Variants in PDE1C observed in about 807,000 individuals in gnomAD.
PDE1C encodes the protein dual specificity calcium/calmodulin-dependent 3',5'-cyclic nucleotide phosphodiesterase 1C.
PDE1C carries 62 observed loss-of-function variants against 93.1 expected under a neutral mutation model. That is an observed-to-expected ratio of 0.67 (90% CI 0.54 to 0.82). The LOEUF is 0.82. Among genes scored for constraint, PDE1C ranks in the 40% least tolerant of loss-of-function variants. PDE1C has a pLI of 0.00. For synonymous variants in PDE1C, 325 were observed against 310.1 expected, an observed-to-expected ratio of 1.05 and a Z score of -0.50; for missense variants, 742 against 884.6, an observed-to-expected ratio of 0.84 and a Z score of 2.04.
intron 1 of PDE1C, among the ~76,000 whole-genome samples, chr7:32,309,948 A>G (rs1241163655): frequency 6.6e-6 from 1 of 152,266 alleles, no homozygotes; most frequent in Non-Finnish European, 1.5e-5. Flanking sequence ...TAAAAGATAC[A>G]GACTGGCAAA....
At chr7:32,185,743 T>C (rs1803807884) in intron 2 of PDE1C, among the ~76,000 whole-genome samples, 1 of 152,202 alleles carries the variant, frequency 6.6e-6, no homozygotes, top group South Asian at 2.1e-4. Context: ...ATGATGGCCA[T>C]TAGTCACATG....
chr7:32,385,243 G>A (rs1784600458), intron 1 of PDE1C, among the ~76,000 whole-genome samples: 1 of 152,178 alleles, frequency 6.6e-6, no homozygotes, highest in Non-Finnish European at 1.5e-5. Flanking sequence ...GAAATTCTAA[G>A]TGGAGACACT....
chr7:31,805,070 G>A (rs1786643940), intron 16 of PDE1C, among the ~76,000 whole-genome samples: 1 of 151,520 alleles, frequency 6.6e-6, no homozygotes, highest in South Asian at 2.1e-4. Flanking sequence ...TTTTATAATG[G>A]GCAGTTCCCC....
intron 1 of PDE1C, among the ~76,000 whole-genome samples, chr7:32,306,513 C>T (rs1220118793): frequency 6.6e-6 from 1 of 152,230 alleles, no homozygotes; most frequent in African/African-American, 2.4e-5. Context: ...CAGGCTCCCA[C>T]TGTCTCTCAC....
At chr7:31,939,301 G>A (rs923950908) in intron 2 of PDE1C, among the ~76,000 whole-genome samples, 1 of 152,148 alleles carries the variant, frequency 6.6e-6, no homozygotes, top group African/African-American at 2.4e-5. Context: ...ATTCAGTTCA[G>A]TGTAACTGAC....
intron 2 of PDE1C, among the ~76,000 whole-genome samples, chr7:31,993,533 A>C (rs1784388480): frequency 6.6e-6 from 1 of 152,206 alleles, no homozygotes; most frequent in Non-Finnish European, 1.5e-5. Flanking sequence ...AATAGCCTCT[A>C]TAAGTCTAAT....
At chr7:31,662,558 AGTGTATGTGTCTGTGTTGTATAAGTGTCT>A in the PDE1C span, among the ~76,000 whole-genome samples, 6 of 151,046 alleles carry the variant, frequency 4.0e-5, no homozygotes, top group African/African-American at 1.5e-4. Flanking sequence ...GTGTTGTATA[AGTGTATGTGTCTGTGTTGTATAAGTGTCT>A]GTGTCTGTGT....
chr7:31,759,784 C>T (rs1189820309), intron 17 of PDE1C, among the ~76,000 whole-genome samples: 1 of 152,112 alleles, frequency 6.6e-6, no homozygotes, highest in Non-Finnish European at 1.5e-5. Flanking sequence ...AATTATTTTT[C>T]ATAAATATAA....
At position 31,873,290 on chromosome 7, in the gene PDE1C, A is replaced by T; in HGVS notation, c.609+2T>A. ...ATTTTTTCTTTTTAAAGAGGTACTGACCTTGAAACGGCTGATCAGATCATA... is the reference window on the plus strand; with the variant it reads ...ATTTTTTCTTTTTAAAGAGGTACTGTCCTTGAAACGGCTGATCAGATCATA... On this transcript the variant is annotated splice_donor_variant, in intron 6 of 17. Transcript: ENST00000396191. LOFTEE classifies it high-confidence loss of function. The T allele has an allele frequency of 6.4e-7, 1 of 1,568,934 alleles. No individual in the cohort carries two copies. The highest frequency in any genetic ancestry group is 8.8e-7 in the Non-Finnish European group (1 of 1,140,980).
chr7:32,059,593 C>T (rs1377166618), intron 1 of PDE1C, among the ~76,000 whole-genome samples: 1 of 152,172 alleles, frequency 6.6e-6, no homozygotes, highest in East Asian at 1.9e-4. Flanking sequence ...TCTCATGAGC[C>T]TGGATTAAAA....
chr7:31,768,250 A>C (rs1795263055), intron 17 of PDE1C, among the ~76,000 whole-genome samples: 2 of 152,102 alleles, frequency 1.3e-5, no homozygotes, highest in African/African-American at 2.4e-5. Flanking sequence ...TTGTCATTTA[A>C]TGTGTGCTGA....
chr7:31,838,907 T>G (rs1791455502), intron 9 of PDE1C, among the ~76,000 whole-genome samples: 1 of 151,678 alleles, frequency 6.6e-6, no homozygotes, highest in East Asian at 1.9e-4. Flanking sequence ...TGATCTGGCT[T>G]ATGTCTATCT....
At chr7:32,120,202 C>T (rs1799218761) in intron 3 of PDE1C, among the ~76,000 whole-genome samples, 1 of 152,198 alleles carries the variant, frequency 6.6e-6, no homozygotes, top group Admixed American at 6.5e-5. Flanking sequence ...GGAACTCCAG[C>T]AACTCCAGCC....
intron 2 of PDE1C, among the ~76,000 whole-genome samples, chr7:31,915,143 C>G (rs1704784715): frequency 6.6e-6 from 1 of 152,180 alleles, no homozygotes; most frequent in African/African-American, 2.4e-5. Context: ...CTTTAAGTAT[C>G]TAATCGCAAG....
intron 2 of PDE1C, among the ~76,000 whole-genome samples, chr7:31,926,615 A>G (rs1470162770): frequency 6.6e-6 from 1 of 152,138 alleles, no homozygotes; most frequent in African/African-American, 2.4e-5. Flanking sequence ...GACTGGTTAG[A>G]CAGCGGGTGC....
the PDE1C span, among the ~76,000 whole-genome samples, chr7:31,732,591 A>C: frequency 6.6e-6 from 1 of 150,934 alleles, no homozygotes; most frequent in Admixed American, 6.6e-5. Context: ...ACAATCACAT[A>C]GGCCAATTCC....
intron 1 of PDE1C, among the ~76,000 whole-genome samples, chr7:32,223,808 T>G (rs1375291140): frequency 6.6e-6 from 1 of 152,196 alleles, no homozygotes; most frequent in Non-Finnish European, 1.5e-5. Flanking sequence ...CTGCGGGTGC[T>G]TGAGTCTCCA....
the PDE1C span, among the ~76,000 whole-genome samples, chr7:31,712,582 G>A: frequency 6.6e-6 from 1 of 152,162 alleles, no homozygotes; most frequent in African/African-American, 2.4e-5. Flanking sequence ...GAGACAGCAG[G>A]GGTCAGCTGC....
At chr7:32,213,998 A>C (rs368889335) in intron 1 of PDE1C, among the ~76,000 whole-genome samples, 7 of 152,312 alleles carry the variant, frequency 4.6e-5, no homozygotes, top group Admixed American at 3.3e-4. Context: ...TAATCAGGAA[A>C]AAATGTTTTT....
Sources: allele counts gnomAD v4.1 joint callset (sites outside exome capture counted in the v4.1 genomes callset), GRCh38; gene constraint gnomAD v4.1.1; transcripts MANE v1.5; gene names NCBI Gene and HGNC (gene_info 2026-07-23, HGNC 2026-07-21).